The following GARRE1 variants were observed in gnomAD, a reference collection of about 807,000 sequenced individuals.
GARRE1 encodes granule associated Rac and RHOG effector 1, also known as granule associated Rac and RHOG effector protein 1.
Under a neutral mutation model 103.2 loss-of-function variants are expected in GARRE1, and 49 were observed. That is an observed-to-expected ratio of 0.47 (90% CI 0.38 to 0.60). The LOEUF is 0.60. GARRE1 is among the 20% of genes least tolerant of loss of function. The pLI is 0.00. For missense variants in GARRE1, 1,199 were observed against 1,370.5 expected (o/e 0.87, Z 1.98); for synonymous variants, 505 against 532.8 (o/e 0.95, Z 0.72).
chr19:34,325,183 C>T (rs1325798254), intron 3 of GARRE1, among the ~76,000 whole-genome samples: 2 of 152,184 alleles, frequency 1.3e-5, no homozygotes, highest in Admixed American at 1.3e-4. Context: ...TCTCCTTCCT[C>T]AACACAATTT....
At chr19:34,315,710 CA>C (rs35321775) in intron 2 of GARRE1, among the ~76,000 whole-genome samples, 28 of 62,538 alleles carry the variant, frequency 4.5e-4, no homozygotes, top group East Asian at 3.9e-3. Context: ...GACTCTGTCT[CA>C]AAAAAAAAAA....
chr19:34,261,139 T>A (rs2073715538), intron 1 of GARRE1, among the ~76,000 whole-genome samples: 1 of 152,212 alleles, frequency 6.6e-6, no homozygotes, highest in African/African-American at 2.4e-5. Context: ...AGAAGATAGC[T>A]GCACGTGGAG....
intron 1 of GARRE1, among the ~76,000 whole-genome samples, chr19:34,294,359 G>C (rs1457722699): frequency 1.3e-5 from 2 of 151,802 alleles, no homozygotes; most frequent in African/African-American, 2.4e-5. Context: ...GAAGGTCAAG[G>C]CTGCAATGAG....
intron 1 of GARRE1, among the ~76,000 whole-genome samples, chr19:34,268,082 T>G (rs929994132): frequency 2.6e-5 from 4 of 152,018 alleles, no homozygotes; most frequent in Admixed American, 6.6e-5. Context: ...CTTTGTGTTT[T>G]TTTTTTTTTA....
intron 2 of GARRE1, among the ~76,000 whole-genome samples, chr19:34,307,475 G>GT (rs2074012333): frequency 6.6e-6 from 1 of 150,994 alleles, no homozygotes; most frequent in Non-Finnish European, 1.5e-5. Flanking sequence ...GACTTTTCAA[G>GT]TATTTACCAT....
At chr19:34,258,326 C>G (rs1001492647) in intron 1 of GARRE1, among the ~76,000 whole-genome samples, 7 of 152,140 alleles carry the variant, frequency 4.6e-5, no homozygotes, top group Non-Finnish European at 1.0e-4. Context: ...ATATTCCTTC[C>G]CACTTATCCA....
At position 34,339,902 on chromosome 19, in the gene GARRE1, T is replaced by C; in HGVS notation, c.1397T>C (p.Leu466Pro). 1 of 1,614,206 alleles carries C rather than the reference T, an allele frequency of 6.2e-7. No individual in the cohort carries two copies. Among genetic ancestry groups the C allele is most frequent in the Non-Finnish European group, 8.5e-7 (1 of 1,180,032 alleles). ...GAAGACCCTGCTACCATGTCCCTGC[T>C]GCAGAGAAGCCTTGATCCTGAGAAG... ...LKEDPATMSL[L>P]QRSLDPEKTL... The change falls in exon 9 of 14, where the codon CTG (leucine) becomes CCG (proline). Residue 466 changes from leucine (L) to proline (P), a missense_variant. Coordinates refer to ENST00000299505, the MANE Select transcript of GARRE1 (RefSeq NM_014686.5).
intron 1 of GARRE1, among the ~76,000 whole-genome samples, chr19:34,256,742 A>G (rs904474842): frequency 3.9e-5 from 6 of 152,308 alleles, no homozygotes; most frequent in South Asian, 4.2e-4. Flanking sequence ...TACAAAGTTC[A>G]TATTTACATT....
At chr19:34,333,336 C>T (rs2074145900) in intron 7 of GARRE1, among the ~76,000 whole-genome samples, 1 of 152,226 alleles carries the variant, frequency 6.6e-6, no homozygotes, top group Admixed American at 6.5e-5. Flanking sequence ...CCACTGCACC[C>T]AGTCTGGTTT....
chr19:34,263,167 C>G (rs1414127709), intron 1 of GARRE1, among the ~76,000 whole-genome samples: 1 of 151,932 alleles, frequency 6.6e-6, no homozygotes, highest in Admixed American at 6.6e-5. Context: ...GAGCCAAGAT[C>G]GTGCCACTGC....
intron 1 of GARRE1, among the ~76,000 whole-genome samples, chr19:34,264,493 G>A (rs557690495): frequency 7.2e-5 from 11 of 152,074 alleles, no homozygotes; most frequent in African/African-American, 2.2e-4. Context: ...CTGCCTCCCC[G>A]GTTCACGCCA....
intron 1 of GARRE1, among the ~76,000 whole-genome samples, chr19:34,291,521 G>A (rs10421025): frequency 0.048 from 7,295 of 152,174 alleles, 550 homozygotes; most frequent in African/African-American, 0.17. Context: ...TCTGGTGAGG[G>A]CCTTCTTACT....
intron 5 of GARRE1, 39 bp from the exon 6 acceptor site, chr19:34,327,951 G>A (rs199757501): frequency 5.0e-6 from 8 of 1,613,872 alleles, no homozygotes; most frequent in Non-Finnish European, 6.8e-6. Flanking sequence ...ACAGATGAGC[G>A]ATGGGTCACC....
At chr19:34,332,338 C>G (rs1316225580) in intron 7 of GARRE1, among the ~76,000 whole-genome samples, 1 of 152,052 alleles carries the variant, frequency 6.6e-6, no homozygotes, top group African/African-American at 2.4e-5. Flanking sequence ...GATCCATATT[C>G]CCAGAGACCA....
chr19:34,334,998 G>A (rs910187733), intron 8 of GARRE1, among the ~76,000 whole-genome samples: 2 of 151,754 alleles, frequency 1.3e-5, no homozygotes, highest in African/African-American at 2.4e-5. Flanking sequence ...AGCCGAGATC[G>A]TGCCACTGCA....
intron 1 of GARRE1, among the ~76,000 whole-genome samples, chr19:34,267,974 A>G (rs1354165879): frequency 1.3e-5 from 2 of 151,568 alleles, no homozygotes; most frequent in Non-Finnish European, 2.9e-5. Flanking sequence ...GGGTTTCACC[A>G]TGTTGGCCAG....
intron 10 of GARRE1, among the ~76,000 whole-genome samples, chr19:34,342,853 T>C (rs2074193642): frequency 6.6e-6 from 1 of 151,832 alleles, no homozygotes; most frequent in Admixed American, 6.6e-5. Flanking sequence ...TTTTTTTGCC[T>C]AAACTCTAGG....
In GARRE1 at chr19:34,342,157, T is replaced by C. The variant is rs747350008; in HGVS notation, c.2223T>C (p.Ile741=). 5 of 1,614,108 alleles carry C rather than the reference T, an allele frequency of 3.1e-6. No individual in the cohort carries two copies. The South Asian group carries it at 3.3e-5, about 11-fold the overall frequency. ...VQYYQHLLQP[I]GPQQPPPQPR... ...ACTACCAACACCTACTCCAGCCCATTGGACCGCAGCAGCCCCCGCCCCAGC... is the reference window on the plus strand; with the variant it reads ...ACTACCAACACCTACTCCAGCCCATCGGACCGCAGCAGCCCCCGCCCCAGC... The change falls in exon 10 of 14, where the codon ATT becomes ATC. Residue 741 remains isoleucine (I), a synonymous_variant. Transcript: ENST00000299505.
chr19:34,330,752 G>A (rs1436145919), intron 7 of GARRE1, among the ~76,000 whole-genome samples: 1 of 117,780 alleles, frequency 8.5e-6, no homozygotes, highest in African/African-American at 3.3e-5. Flanking sequence ...TTTTTTTTGT[G>A]TGTGTGTGTG....
Sources: gnomAD v4.1 joint callset for allele counts (sites outside exome capture counted in the v4.1 genomes callset) on GRCh38, gnomAD v4.1.1 for gene constraint, MANE v1.5 for transcripts, NCBI Gene and HGNC (gene_info 2026-07-23, HGNC 2026-07-21) for gene names.